Variants in NRXN3 observed in about 807,000 individuals in gnomAD.
The protein encoded by NRXN3 is neurexin III.
A neutral mutation model predicts 137.6 loss-of-function variants in NRXN3; 32 were observed. That is an observed-to-expected ratio of 0.23 (90% confidence interval 0.18 to 0.31). The LOEUF (loss-of-function observed/expected upper bound fraction) is 0.31. Among genes scored for constraint, NRXN3 ranks in the 10% least tolerant of loss-of-function variants. The pLI is 1.00. For synonymous variants in NRXN3, 798 were observed against 784.5 expected, an observed-to-expected ratio of 1.02 and a Z score of -0.29; for missense variants, 1,574 against 2,062.5, an observed-to-expected ratio of 0.76 and a Z score of 4.59.
At chr14:79,850,162 T>C (rs368435339) in intron 20 of NRXN3, among the ~76,000 whole-genome samples, 1 of 152,214 alleles carries the variant, frequency 6.6e-6, no homozygotes, top group African/African-American at 2.4e-5. Flanking sequence ...AAAATCTTCA[T>C]TAGGTATTTG....
chr14:78,506,298 C>T (rs1304329794), intron 4 of NRXN3, among the ~76,000 whole-genome samples: 5 of 152,128 alleles, frequency 3.3e-5, no homozygotes, highest in Admixed American at 2.0e-4. Context: ...GGATTTCCTT[C>T]TTTTAAAAAA....
Position 79,645,644 on chromosome 14 carries a change from C to T in NRXN3, c.3445-18134C>T, listed in dbSNP as rs1170734068. Among the ~76,000 whole-genome samples the T allele has an allele frequency of 1.7e-4, 22 of 132,076 alleles. 4 individuals are homozygous for T. The highest frequency in any genetic ancestry group is 2.8e-4 in the Non-Finnish European group (16 of 57,064). The allele number at this position is 132,076 out of a possible 152,430, so 86.6% of individuals were successfully genotyped here. A position where few individuals can be genotyped will look rare whatever the true frequency, so the allele number is the denominator to read the frequency against. ...AAAAAAAAAAAAGTTTTTTTCGTGTCGGTATTAATGCCTGGTATAATACCT... is the reference window on the plus strand; with the variant it reads ...AAAAAAAAAAAAGTTTTTTTCGTGTTGGTATTAATGCCTGGTATAATACCT... On this transcript the variant is annotated intron_variant, in intron 16 of 20. Transcript: ENST00000335750.
At chr14:79,855,702 A>T (rs952003747) in intron 20 of NRXN3, among the ~76,000 whole-genome samples, 6 of 152,210 alleles carry the variant, frequency 3.9e-5, no homozygotes, top group Non-Finnish European at 8.8e-5. Flanking sequence ...GAAAGTGATT[A>T]TGTAAGTGTT....
intron 18 of NRXN3, among the ~76,000 whole-genome samples, chr14:79,695,641 A>G (rs900765907): frequency 2.5e-5 from 3 of 119,150 alleles, no homozygotes; most frequent in African/African-American, 1.0e-4. Context: ...CTTCCAGAAA[A>G]AAAAAAAAAA....
chr14:78,919,337 A>G (rs2099264943), intron 10 of NRXN3, among the ~76,000 whole-genome samples: 1 of 152,220 alleles, frequency 6.6e-6, no homozygotes, highest in Admixed American at 6.5e-5. Flanking sequence ...CCAAAACACT[A>G]AGCATCTTAT....
At chr14:78,399,028 A>G (rs1401851117) in intron 4 of NRXN3, among the ~76,000 whole-genome samples, 2 of 152,152 alleles carry the variant, frequency 1.3e-5, no homozygotes, top group Admixed American at 6.6e-5. Context: ...TGCTTTGTGA[A>G]AGTTTTTTGT....
At chr14:79,777,023 C>T (rs1387878949) in intron 19 of NRXN3, among the ~76,000 whole-genome samples, 10 of 152,164 alleles carry the variant, frequency 6.6e-5, no homozygotes, top group African/African-American at 2.4e-4. Context: ...ACACCTCCAC[C>T]TGCAAGGTTG....
At chr14:78,500,656 T>C (rs768762128) in intron 4 of NRXN3, among the ~76,000 whole-genome samples, 1 of 152,156 alleles carries the variant, frequency 6.6e-6, no homozygotes, top group Non-Finnish European at 1.5e-5. Context: ...ACTTTTACTA[T>C]CTCACCTTAG....
intron 20 of NRXN3, among the ~76,000 whole-genome samples, chr14:79,840,749 C>A (rs1391249695): frequency 1.3e-5 from 2 of 152,126 alleles, no homozygotes; most frequent in African/African-American, 2.4e-5. Context: ...CGATGTCTGG[C>A]AGAGACTAAG....
chr14:78,509,983 G>T (rs898310955), intron 4 of NRXN3, among the ~76,000 whole-genome samples: 2 of 150,692 alleles, frequency 1.3e-5, no homozygotes, highest in Non-Finnish European at 2.9e-5. Flanking sequence ...TATAGGGGAG[G>T]AAAAAAATGT....
chr14:78,451,181 A>T (rs1304158257), intron 4 of NRXN3, among the ~76,000 whole-genome samples: 1 of 152,166 alleles, frequency 6.6e-6, no homozygotes, highest in Non-Finnish European at 1.5e-5. Context: ...TGGCACAAAG[A>T]ACAAGCTTAA....
chr14:78,809,107 C>G (rs559785612), intron 9 of NRXN3, among the ~76,000 whole-genome samples: 6 of 152,152 alleles, frequency 3.9e-5, no homozygotes, highest in African/African-American at 1.4e-4. Context: ...TGCCCAGTCC[C>G]CTACTATGCC....
Position 79,641,260 on chromosome 14 carries a change from A to C in NRXN3, c.3445-22518A>C, listed in dbSNP as rs221467. ...CCTGACCTCGTGATTTGCCCACCTC[A>C]GCCTCCCAAAGTGCTGGGATTACAG... On this transcript the variant is annotated intron_variant, in intron 16 of 20. Coordinates refer to ENST00000335750, the MANE Select transcript of NRXN3 (RefSeq NM_001330195.2). Among the ~76,000 whole-genome samples the C allele has an allele frequency of 5.5e-4, 73 of 133,640 alleles. 6 individuals are homozygous for C. The highest frequency in any genetic ancestry group is 1.8e-3 in the African/African-American group (72 of 40,336). The allele number at this position is 133,640 out of a possible 152,430, so 87.7% of individuals were successfully genotyped here.
chr14:79,227,139 A>AT (rs2071063603), intron 15 of NRXN3, among the ~76,000 whole-genome samples: 1 of 151,542 alleles, frequency 6.6e-6, no homozygotes, highest in South Asian at 2.1e-4. Flanking sequence ...TAAAATGAAA[A>AT]AATATATATA....
intron 15 of NRXN3, among the ~76,000 whole-genome samples, chr14:79,036,355 G>A (rs1352349902): frequency 6.6e-6 from 1 of 151,836 alleles, no homozygotes; most frequent in Non-Finnish European, 1.5e-5. Context: ...TATTCCACAA[G>A]TAAAACGAGA....
intron 8 of NRXN3, among the ~76,000 whole-genome samples, chr14:78,789,183 A>G (rs1333455021): frequency 2.0e-5 from 3 of 152,206 alleles, no homozygotes; most frequent in Admixed American, 6.5e-5. Flanking sequence ...GAGTTAGTCT[A>G]AAAAGCAAGT....
At chr14:78,796,785 C>T (rs569003153) in intron 8 of NRXN3, among the ~76,000 whole-genome samples, 21 of 152,224 alleles carry the variant, frequency 1.4e-4, no homozygotes, top group Non-Finnish European at 2.6e-4. Context: ...AAGGCTTAAA[C>T]GTGATCTCTC....
At chr14:78,961,730 A>G (rs574249528) in intron 11 of NRXN3, among the ~76,000 whole-genome samples, 132 of 152,348 alleles carry the variant, frequency 8.7e-4, no homozygotes, top group Middle Eastern at 6.8e-3. Context: ...TGGAAGCAGA[A>G]TGCAAAGTCA....
intron 9 of NRXN3, among the ~76,000 whole-genome samples, chr14:78,806,566 A>G (rs1175056159): frequency 6.6e-6 from 1 of 152,220 alleles, no homozygotes; most frequent in African/African-American, 2.4e-5. Flanking sequence ...AATTGATCAC[A>G]CATATGCATT....
Sources: allele counts gnomAD v4.1 joint callset (sites outside exome capture counted in the v4.1 genomes callset), GRCh38; gene constraint gnomAD v4.1.1; transcripts MANE v1.5; gene names NCBI Gene and HGNC (gene_info 2026-07-23, HGNC 2026-07-21).